Variants in CADM2 observed in about 807,000 individuals in gnomAD.
CADM2 encodes cell adhesion molecule 2.
Under a neutral mutation model 49.8 loss-of-function variants are expected in CADM2, and 12 were observed. The observed-to-expected ratio is 0.24, with a 90% CI of 0.15 to 0.39. CADM2 has a LOEUF of 0.39. Among genes scored for constraint, CADM2 ranks in the 10% least tolerant of loss-of-function variants. The pLI is 1.00. For missense variants in CADM2, 378 were observed against 492.3 expected, an observed-to-expected ratio of 0.77 and a Z score of 2.20; for synonymous variants, 214 against 175.4, an observed-to-expected ratio of 1.22 and a Z score of -1.74.
intron 1 of CADM2, among the ~76,000 whole-genome samples, chr3:85,616,085 C>T (rs969194897): frequency 1.3e-5 from 2 of 151,646 alleles, no homozygotes; most frequent in African/African-American, 4.8e-5. Context: ...GAAAGAGCCT[C>T]GAGGTAAGCT....
intron 1 of CADM2, among the ~76,000 whole-genome samples, chr3:85,167,510 G>T (rs1339780254): frequency 6.6e-6 from 1 of 151,956 alleles, no homozygotes; most frequent in African/African-American, 2.4e-5. Flanking sequence ...ACTTTGTAAG[G>T]AATCTTTCAT....
intron 3 of CADM2, among the ~76,000 whole-genome samples, chr3:85,827,760 G>A (rs368950100): frequency 1.3e-5 from 2 of 151,924 alleles, no homozygotes; most frequent in Non-Finnish European, 2.9e-5. Context: ...TTTCCCAAAT[G>A]TATTGTTTTT....
chr3:85,005,033 C>T (rs900857385), intron 1 of CADM2, among the ~76,000 whole-genome samples: 1 of 152,128 alleles, frequency 6.6e-6, no homozygotes, highest in Non-Finnish European at 1.5e-5. Context: ...GAGAAACAAC[C>T]TTTAATATCA....
chr3:85,168,196 C>G (rs1047661772), intron 1 of CADM2, among the ~76,000 whole-genome samples: 2 of 152,030 alleles, frequency 1.3e-5, no homozygotes, highest in African/African-American at 4.8e-5. Context: ...ACTGGGATTA[C>G]AGGCACTCAC....
intron 1 of CADM2, among the ~76,000 whole-genome samples, chr3:85,165,130 G>C (rs1364280949): frequency 2.0e-5 from 3 of 151,788 alleles, no homozygotes; most frequent in Admixed American, 6.6e-5. Flanking sequence ...AATCATGACT[G>C]TAATAAGCTA....
At chr3:85,685,916 G>A (rs534792804) in intron 1 of CADM2, among the ~76,000 whole-genome samples, 31 of 152,164 alleles carry the variant, frequency 2.0e-4, no homozygotes, top group Middle Eastern at 6.8e-3. Context: ...GGGCCACCAC[G>A]CCTGGCCTTT....
chr3:85,273,708 T>A (rs1256610528), intron 1 of CADM2, among the ~76,000 whole-genome samples: 3 of 150,168 alleles, frequency 2.0e-5, no homozygotes, highest in Non-Finnish European at 3.0e-5. Context: ...CATATTAAGT[T>A]TGAGACAGCT....
intron 1 of CADM2, among the ~76,000 whole-genome samples, chr3:85,285,472 GAGTT>G (rs2043611419): frequency 6.6e-6 from 1 of 152,086 alleles, no homozygotes; most frequent in South Asian, 2.1e-4. Flanking sequence ...ATTCAGGAGT[GAGTT>G]AGAAACTAAC....
chr3:85,549,041 G>C (rs2061734582), intron 1 of CADM2, among the ~76,000 whole-genome samples: 1 of 152,158 alleles, frequency 6.6e-6, no homozygotes, highest in Non-Finnish European at 1.5e-5. Context: ...ATACCTGAAA[G>C]AAAACCTGGT....
chr3:85,709,335 A>G (rs1559606308), intron 1 of CADM2, among the ~76,000 whole-genome samples: 1 of 152,100 alleles, frequency 6.6e-6, no homozygotes, highest in Non-Finnish European at 1.5e-5. Flanking sequence ...ACTGCTATCT[A>G]TCTTTTTCTG....
chr3:86,045,119 A>G (rs1736489868), intron 8 of CADM2, among the ~76,000 whole-genome samples: 1 of 152,028 alleles, frequency 6.6e-6, no homozygotes, highest in Non-Finnish European at 1.5e-5. Flanking sequence ...ATGACCAGTT[A>G]ATGGGTGCAG....
At chr3:85,090,975 G>T (rs943424258) in intron 1 of CADM2, among the ~76,000 whole-genome samples, 5 of 152,268 alleles carry the variant, frequency 3.3e-5, no homozygotes, top group East Asian at 1.9e-4. Flanking sequence ...TTAAAGCATG[G>T]TGGGGCCAGT....
intron 2 of CADM2, among the ~76,000 whole-genome samples, chr3:85,794,109 T>A (rs899625447): frequency 1.3e-5 from 2 of 152,224 alleles, no homozygotes; most frequent in African/African-American, 4.8e-5. Flanking sequence ...TTCATACATA[T>A]AATCCTTATG....
chr3:85,464,263 C>A (rs1319446966), intron 1 of CADM2, among the ~76,000 whole-genome samples: 1 of 151,986 alleles, frequency 6.6e-6, no homozygotes, highest in Non-Finnish European at 1.5e-5. Flanking sequence ...CTGATATTTC[C>A]TTTTCTCTTG....
At chr3:85,597,985 C>G (rs1297435243) in intron 1 of CADM2, among the ~76,000 whole-genome samples, 1 of 151,922 alleles carries the variant, frequency 6.6e-6, no homozygotes, top group Non-Finnish European at 1.5e-5. Flanking sequence ...ATGAAAATTA[C>G]AGATTCTCTT....
At chr3:85,701,451 G>A (rs760690860) in intron 1 of CADM2, among the ~76,000 whole-genome samples, 1 of 151,948 alleles carries the variant, frequency 6.6e-6, no homozygotes, top group Non-Finnish European at 1.5e-5. Flanking sequence ...AGTGGACAAG[G>A]ACCCAGCAAT....
chr3:85,590,751 A>G (rs1001395108), intron 1 of CADM2, among the ~76,000 whole-genome samples: 5 of 151,952 alleles, frequency 3.3e-5, no homozygotes, highest in Admixed American at 6.6e-5. Flanking sequence ...TATGAAATAT[A>G]AATTAGTCTA....
chr3:85,076,511 CTAATTTTTGTATTTT>C (rs1313072052), intron 1 of CADM2, among the ~76,000 whole-genome samples: 1 of 151,862 alleles, frequency 6.6e-6, no homozygotes, highest in Non-Finnish European at 1.5e-5. Context: ...CCACACCCTG[CTAATTTTTGTATTTT>C]TAGTAGAGAC....
intron 1 of CADM2, among the ~76,000 whole-genome samples, chr3:85,192,815 A>G (rs548795663): frequency 5.3e-5 from 8 of 152,118 alleles, no homozygotes; most frequent in African/African-American, 1.4e-4. Flanking sequence ...TAGATAACAG[A>G]GAAATAAGAT....
Sources: gnomAD v4.1 joint callset for allele counts (sites outside exome capture counted in the v4.1 genomes callset) on GRCh38, gnomAD v4.1.1 for gene constraint, MANE v1.5 for transcripts, NCBI Gene and HGNC (gene_info 2026-07-23, HGNC 2026-07-21) for gene names.